The following KCNH8 variants were observed in gnomAD, a reference collection of about 807,000 sequenced individuals.
The protein encoded by KCNH8 is potassium voltage-gated channel subfamily H member 8.
KCNH8 carries 70 observed loss-of-function variants against 103.6 expected under a neutral mutation model. The observed-to-expected ratio is 0.68, with a 90% CI of 0.56 to 0.82. The LOEUF (loss-of-function observed/expected upper bound fraction) is 0.82, where lower values mean the gene tolerates loss of function less well. Ranked by LOEUF, KCNH8 falls within the 40% of genes least tolerant of loss-of-function variation. The pLI, the probability that KCNH8 is intolerant of heterozygous loss-of-function variation, is 0.00. For missense variants in KCNH8, 1,217 were observed against 1,329.9 expected, an observed-to-expected ratio of 0.92 and a Z score of 1.32; for synonymous variants, 498 against 489.4, an observed-to-expected ratio of 1.02 and a Z score of -0.23.
Position 19,335,285 on chromosome 3 carries a change from T to C in KCNH8, c.443-7302T>C, listed in dbSNP as rs370101057. Among the ~76,000 whole-genome samples, 13 of 151,920 alleles carry C rather than the reference T, an allele frequency of 8.6e-5. 1 individual carries two copies. Among genetic ancestry groups the C allele is most frequent in the Admixed American group, 4.6e-4 (7 of 15,252 alleles). ...TTATTTACAGATCTGCTGAATTATA[T>C]TGATTCCCTAAAAGGGAACCACCCT... is the stretch of plus-strand genomic sequence containing the variant. On this transcript the variant is annotated intron_variant, in intron 3 of 15. Transcript: ENST00000328405.
chr3:19,173,613 G>A (rs1396919340), intron 1 of KCNH8, among the ~76,000 whole-genome samples: 2 of 151,986 alleles, frequency 1.3e-5, no homozygotes, highest in Non-Finnish European at 2.9e-5. Flanking sequence ...GTGCAGGAGA[G>A]AAAGGCATAA....
intron 1 of KCNH8, among the ~76,000 whole-genome samples, chr3:19,162,498 C>T (rs778731149): frequency 6.6e-6 from 1 of 151,540 alleles, no homozygotes; most frequent in Non-Finnish European, 1.5e-5. Flanking sequence ...CAGAGTGAGG[C>T]TCCTTCTCAA....
chr3:19,420,659 G>T (rs1254666018), intron 7 of KCNH8, among the ~76,000 whole-genome samples: 1 of 152,158 alleles, frequency 6.6e-6, no homozygotes, highest in African/African-American at 2.4e-5. Context: ...GTTGATTAGT[G>T]TCTGATTTAC....
chr3:19,270,686 T>A (rs2064575695), intron 2 of KCNH8, among the ~76,000 whole-genome samples: 1 of 152,156 alleles, frequency 6.6e-6, no homozygotes, highest in Non-Finnish European at 1.5e-5. Flanking sequence ...CAGGGCAATC[T>A]GGCACAGTGT....
At chr3:19,382,505 A>G (rs1473034690) in intron 5 of KCNH8, among the ~76,000 whole-genome samples, 1 of 152,206 alleles carries the variant, frequency 6.6e-6, no homozygotes, top group African/African-American at 2.4e-5. Context: ...TAACTGTATT[A>G]CTTTGATGAT....
chr3:19,525,615 G>C (rs1458694423), intron 15 of KCNH8, among the ~76,000 whole-genome samples: 1 of 151,950 alleles, frequency 6.6e-6, no homozygotes, highest in African/African-American at 2.4e-5. Context: ...CCAAAGGCCT[G>C]AGCTTGCAGA....
At chr3:19,449,686 A>C (rs1161974250) in intron 8 of KCNH8, among the ~76,000 whole-genome samples, 1 of 152,158 alleles carries the variant, frequency 6.6e-6, no homozygotes, top group Non-Finnish European at 1.5e-5. Context: ...AGTAATTATT[A>C]AACTATAACT....
intron 1 of KCNH8, among the ~76,000 whole-genome samples, chr3:19,179,727 T>C (rs575640085): frequency 6.6e-6 from 1 of 152,254 alleles, no homozygotes; most frequent in African/African-American, 2.4e-5. Flanking sequence ...TTAATGCTTG[T>C]TGAAAGATGC....
intron 5 of KCNH8, among the ~76,000 whole-genome samples, chr3:19,378,348 G>T (rs1160580665): frequency 6.6e-6 from 1 of 152,194 alleles, no homozygotes; most frequent in African/African-American, 2.4e-5. Flanking sequence ...TTGATGGTCA[G>T]TTATTTTTTG....
chr3:19,442,344 T>A (rs2067295862), intron 8 of KCNH8, among the ~76,000 whole-genome samples: 1 of 152,206 alleles, frequency 6.6e-6, no homozygotes, highest in African/African-American at 2.4e-5. Context: ...CTGATGATAA[T>A]TTTGGGAAAT....
At chr3:19,165,360 A>T (rs2063272933) in intron 1 of KCNH8, among the ~76,000 whole-genome samples, 1 of 152,240 alleles carries the variant, frequency 6.6e-6, no homozygotes, top group African/African-American at 2.4e-5. Context: ...TTGTGCAGGT[A>T]CAGACTATTG....
chr3:19,496,835 G>A (rs953301434), intron 11 of KCNH8, among the ~76,000 whole-genome samples: 1 of 152,076 alleles, frequency 6.6e-6, no homozygotes, highest in African/African-American at 2.4e-5. Flanking sequence ...CCTGTTTTTG[G>A]TTGGTTGGCT....
At chr3:19,473,406 C>T (rs1346514380) in intron 11 of KCNH8, among the ~76,000 whole-genome samples, 1 of 152,152 alleles carries the variant, frequency 6.6e-6, no homozygotes, top group Non-Finnish European at 1.5e-5. Flanking sequence ...CTTGCCTGCT[C>T]CCCTTGTATT....
At chr3:19,167,158 TTA>T (rs531767635) in intron 1 of KCNH8, among the ~76,000 whole-genome samples, 34 of 152,310 alleles carry the variant, frequency 2.2e-4, no homozygotes, top group African/African-American at 7.9e-4. Flanking sequence ...ATTATTTGGT[TTA>T]TAGTCATTAG....
intron 11 of KCNH8, among the ~76,000 whole-genome samples, chr3:19,462,811 T>C (rs570343489): frequency 2.0e-5 from 3 of 152,314 alleles, no homozygotes; most frequent in African/African-American, 7.2e-5. Context: ...CTTGAATTAA[T>C]TTTTGTATAA....
At chr3:19,397,573 A>G (rs79766760) in intron 7 of KCNH8, among the ~76,000 whole-genome samples, 1 of 150,780 alleles carries the variant, frequency 6.6e-6, no homozygotes, top group Non-Finnish European at 1.5e-5. Flanking sequence ...ACATATATAT[A>G]TTTTTCTTAT....
At chr3:19,284,905 AG>A (rs2064810137) in intron 3 of KCNH8, among the ~76,000 whole-genome samples, 2 of 149,392 alleles carry the variant, frequency 1.3e-5, no homozygotes, top group Non-Finnish European at 3.0e-5. Context: ...AGAAAAGAAA[AG>A]GAAAGAAAGA....
chr3:19,352,522 TA>T (rs1013898618), intron 5 of KCNH8, among the ~76,000 whole-genome samples: 3 of 152,042 alleles, frequency 2.0e-5, no homozygotes, highest in African/African-American at 7.2e-5. Flanking sequence ...ACAGAAATTA[TA>T]AAAAAGTGTC....
At chr3:19,440,053 A>ATT in intron 8 of KCNH8, among the ~76,000 whole-genome samples, 2 of 152,270 alleles carry the variant, frequency 1.3e-5, no homozygotes, top group South Asian at 2.1e-4. Flanking sequence ...ACAAACTTAA[A>ATT]AAGAGTAGAG....
Sources: gnomAD v4.1 joint callset for allele counts (sites outside exome capture counted in the v4.1 genomes callset) on GRCh38, gnomAD v4.1.1 for gene constraint, MANE v1.5 for transcripts, NCBI Gene and HGNC (gene_info 2026-07-23, HGNC 2026-07-21) for gene names.